Variants in LARS2 observed in about 807,000 individuals in gnomAD.
The protein encoded by LARS2 is leucine--tRNA ligase, mitochondrial.
LARS2 carries 81 observed loss-of-function variants against 116.6 expected under a neutral mutation model. The ratio of observed to expected loss-of-function variants is 0.69; its 90% CI spans 0.58 to 0.84. The LOEUF is 0.84. Ranked by LOEUF, LARS2 falls within the 40% of genes least tolerant of loss-of-function variation. LARS2 has a pLI of 0.00. For synonymous variants in LARS2, 396 were observed against 407.2 expected (o/e 0.97, Z 0.33); for missense variants, 968 against 1,114.5 (o/e 0.87, Z 1.87).
intron 15 of LARS2, among the ~76,000 whole-genome samples, chr3:45,509,786 T>C (rs546313240): frequency 2.0e-4 from 31 of 152,110 alleles, no homozygotes; most frequent in African/African-American, 6.7e-4. Flanking sequence ...TTCTAGGAGC[T>C]GGGAAGCGCC....
intron 20 of LARS2, among the ~76,000 whole-genome samples, chr3:45,530,397 G>A (rs1700597467): frequency 6.6e-6 from 1 of 152,168 alleles, no homozygotes; most frequent in African/African-American, 2.4e-5. Context: ...GCATGTGCCT[G>A]TGAAGTCACA....
chr3:45,522,422 A>T (rs1559496538), intron 19 of LARS2, among the ~76,000 whole-genome samples: 1 of 152,110 alleles, frequency 6.6e-6, no homozygotes, highest in Non-Finnish European at 1.5e-5. Flanking sequence ...TTTATGATAT[A>T]ATGTTAAGTA....
chr3:45,395,889 T>C (rs889911395), intron 3 of LARS2, among the ~76,000 whole-genome samples: 2 of 152,368 alleles, frequency 1.3e-5, no homozygotes, highest in Admixed American at 6.5e-5. Flanking sequence ...ATGTAATACA[T>C]AATTTTACAA....
At chr3:45,415,824 G>C (rs1201364753) in intron 4 of LARS2, among the ~76,000 whole-genome samples, 3 of 142,836 alleles carry the variant, frequency 2.1e-5, no homozygotes, top group Non-Finnish European at 4.5e-5. Flanking sequence ...CTCCAGCCTG[G>C]GCAACAGAGC....
chr3:45,474,754 G>A (rs940479419), intron 9 of LARS2, among the ~76,000 whole-genome samples: 1 of 152,128 alleles, frequency 6.6e-6, no homozygotes, highest in Non-Finnish European at 1.5e-5. Context: ...GTCTTCAGGG[G>A]TCCATGAACT....
At chr3:45,514,067 G>A (rs535252613) in intron 16 of LARS2, among the ~76,000 whole-genome samples, 32 of 152,180 alleles carry the variant, frequency 2.1e-4, no homozygotes, top group African/African-American at 6.7e-4. Context: ...TGAGCCAGGC[G>A]TGGAGGCATG....
chr3:45,409,893 G>T (rs1487216328), intron 4 of LARS2, among the ~76,000 whole-genome samples: 2 of 152,132 alleles, frequency 1.3e-5, no homozygotes, highest in African/African-American at 4.8e-5. Context: ...GAAACTTTGA[G>T]ATTTTTCTAA....
intron 21 of LARS2, among the ~76,000 whole-genome samples, chr3:45,544,081 C>T (rs1700838895): frequency 1.3e-5 from 2 of 152,340 alleles, no homozygotes; most frequent in East Asian, 1.9e-4. Context: ...TCTGTGAAGG[C>T]CTGGGTTCTC....
chr3:45,526,973 G>A (rs954721120), intron 20 of LARS2, among the ~76,000 whole-genome samples: 5 of 152,196 alleles, frequency 3.3e-5, no homozygotes, highest in African/African-American at 1.2e-4. Flanking sequence ...GTAGTTCCCA[G>A]CCAAGGGTGA....
At chr3:45,491,228 A>T (rs984185735) in intron 12 of LARS2, among the ~76,000 whole-genome samples, 4 of 152,238 alleles carry the variant, frequency 2.6e-5, no homozygotes, top group Admixed American at 6.5e-5. Context: ...CCTCTGCAAA[A>T]GTTTTAATTT....
At chr3:45,534,246 G>A (rs1284007441) in intron 20 of LARS2, among the ~76,000 whole-genome samples, 1 of 152,126 alleles carries the variant, frequency 6.6e-6, no homozygotes, top group African/African-American at 2.4e-5. Flanking sequence ...GTATGTACCA[G>A]GAATGTCCCC....
intron 3 of LARS2, 113 bp from the exon 4 acceptor site, chr3:45,400,132 A>G (rs1399969875): frequency 9.6e-7 from 1 of 1,040,700 alleles, no homozygotes; most frequent in African/African-American, 1.6e-5. Flanking sequence ...TCTTTTTAAA[A>G]GGAAACTTTT....
chr3:45,533,506 A>G (rs1700653010), intron 20 of LARS2, among the ~76,000 whole-genome samples: 1 of 152,204 alleles, frequency 6.6e-6, no homozygotes, highest in African/African-American at 2.4e-5. Flanking sequence ...CTATAAAACA[A>G]TACTGATCCA....
At chr3:45,393,947 T>C (rs1698001982) in intron 2 of LARS2, among the ~76,000 whole-genome samples, 2 of 152,270 alleles carry the variant, frequency 1.3e-5, no homozygotes, top group South Asian at 4.1e-4. Context: ...ACTCATAATA[T>C]GTATAAAAAT....
At chr3:45,498,914 A>T (rs371464534) in intron 14 of LARS2, among the ~76,000 whole-genome samples, 1 of 152,252 alleles carries the variant, frequency 6.6e-6, no homozygotes, top group East Asian at 1.9e-4. Flanking sequence ...AATATGTTGC[A>T]TCGCATTCAG....
At chr3:45,491,973 C>A (rs886111085) in intron 13 of LARS2, among the ~76,000 whole-genome samples, 173 bp downstream of exon 13, 2 of 152,228 alleles carry the variant, frequency 1.3e-5, no homozygotes, top group Non-Finnish European at 2.9e-5. Context: ...GGTCTGGAAT[C>A]TGTGGCCCTG....
chr3:45,400,198 A>T (rs767341864), intron 3 of LARS2, 47 bp from the exon 4 acceptor site: 2 of 1,576,996 alleles, frequency 1.3e-6, no homozygotes, highest in Non-Finnish European at 1.7e-6. Flanking sequence ...ATACATGCAG[A>T]GTTCCCAGAA....
At chr3:45,448,537 CAG>C (rs1559472664) in intron 7 of LARS2, among the ~76,000 whole-genome samples, 1 of 152,168 alleles carries the variant, frequency 6.6e-6, no homozygotes, top group Non-Finnish European at 1.5e-5. Flanking sequence ...AGTGGGAAAT[CAG>C]GGGTCTCACA....
chr3:45,415,115 G>C (rs910776693), intron 4 of LARS2, among the ~76,000 whole-genome samples: 1 of 152,218 alleles, frequency 6.6e-6, no homozygotes, highest in Non-Finnish European at 1.5e-5. Context: ...CTCATTTGCA[G>C]ACAAGAATGC....
Sources: allele counts gnomAD v4.1 joint callset (sites outside exome capture counted in the v4.1 genomes callset), GRCh38; gene constraint gnomAD v4.1.1; transcripts MANE v1.5; gene names NCBI Gene and HGNC (gene_info 2026-07-23, HGNC 2026-07-21).